MAMDC2: variants seen among roughly 807,000 people sequenced by gnomAD.
MAMDC2 encodes MAM domain-containing protein 2.
A neutral mutation model predicts 89.8 loss-of-function variants in MAMDC2; 57 were observed. The ratio of observed to expected loss-of-function variants is 0.63; its 90% CI spans 0.51 to 0.79. The LOEUF (loss-of-function observed/expected upper bound fraction) is 0.79. MAMDC2 is among the 30% of genes least tolerant of loss of function. MAMDC2 has a pLI of 0.00. For missense variants in MAMDC2, 800 were observed against 820.6 expected (o/e 0.97, Z 0.31); for synonymous variants, 313 against 293.4 (o/e 1.07, Z -0.68).
At chr9:70,217,987 C>T (rs2033480992) in intron 11 of MAMDC2, among the ~76,000 whole-genome samples, 1 of 152,192 alleles carries the variant, frequency 6.6e-6, no homozygotes, top group Non-Finnish European at 1.5e-5. Flanking sequence ...AACCCACCCT[C>T]TCTTTCTCTC....
chr9:70,061,216 T>G (rs1827143092), intron 2 of MAMDC2, among the ~76,000 whole-genome samples: 1 of 152,166 alleles, frequency 6.6e-6, no homozygotes, highest in Admixed American at 6.5e-5. Context: ...TTTGCACACT[T>G]TACCTTGGTT....
intron 2 of MAMDC2, among the ~76,000 whole-genome samples, chr9:70,056,437 C>T (rs546930450): frequency 5.9e-4 from 90 of 152,168 alleles, no homozygotes; most frequent in African/African-American, 2.1e-3. Flanking sequence ...TTTTCTTTTT[C>T]ATAAATTCTG....
chr9:70,113,278 GGT>G, intron 5 of MAMDC2, 146 bp downstream of exon 5: 1 of 870,870 alleles, frequency 1.1e-6, no homozygotes. Flanking sequence ...GGAACCAGGA[GGT>G]GTGACAGAAG....
intron 11 of MAMDC2, chr9:70,194,571 T>C (rs1247689081): frequency 6.6e-6 from 1 of 152,130 alleles, no homozygotes; most frequent in African/African-American, 2.4e-5. Flanking sequence ...AGAAATAAAT[T>C]TCTGTTCTTT....
chr9:70,175,657 C>G (rs545298039), intron 11 of MAMDC2: 1 of 152,132 alleles, frequency 6.6e-6, no homozygotes, highest in Non-Finnish European at 1.5e-5. Flanking sequence ...TAGAACATAT[C>G]CCTCAAGGAT....
chr9:70,156,819 G>A (rs2031780203), intron 9 of MAMDC2, among the ~76,000 whole-genome samples: 1 of 152,112 alleles, frequency 6.6e-6, no homozygotes, highest in South Asian at 2.1e-4. Context: ...AGATACTCTT[G>A]TTTTCCTTCT....
At chr9:70,117,444 G>A (rs1481838542) in intron 5 of MAMDC2, among the ~76,000 whole-genome samples, 1 of 152,086 alleles carries the variant, frequency 6.6e-6, no homozygotes, top group Admixed American at 6.5e-5. Context: ...CACAGGGAGG[G>A]AAACATCACA....
intron 5 of MAMDC2, among the ~76,000 whole-genome samples, chr9:70,118,135 G>C (rs928575783): frequency 3.9e-5 from 6 of 152,132 alleles, no homozygotes; most frequent in African/African-American, 1.4e-4. Context: ...CCCAAGGTAT[G>C]TGATCATGGC....
intron 2 of MAMDC2, among the ~76,000 whole-genome samples, chr9:70,098,468 C>G (rs535811510): frequency 5.3e-5 from 8 of 152,302 alleles, no homozygotes; most frequent in African/African-American, 1.9e-4. Context: ...AATTGTAAGA[C>G]ATGCCCTAAT....
intron 3 of MAMDC2, among the ~76,000 whole-genome samples, chr9:70,108,851 A>C (rs1355676617): frequency 6.6e-6 from 1 of 152,182 alleles, no homozygotes; most frequent in Non-Finnish European, 1.5e-5. Context: ...CTTCTTAATC[A>C]TTTCTTTGCT....
intron 5 of MAMDC2, among the ~76,000 whole-genome samples, chr9:70,125,648 T>G (rs1296157577): frequency 6.6e-6 from 1 of 152,214 alleles, no homozygotes; most frequent in African/African-American, 2.4e-5. Context: ...AATCTTAGTT[T>G]CACTCAAAAA....
intron 2 of MAMDC2, among the ~76,000 whole-genome samples, chr9:70,066,347 A>G (rs1056454701): frequency 3.3e-5 from 5 of 152,318 alleles, no homozygotes; most frequent in African/African-American, 1.2e-4. Flanking sequence ...AAGACAGAGT[A>G]GTAGAAAATG....
At chr9:70,059,295 C>T (rs72710458) in intron 2 of MAMDC2, among the ~76,000 whole-genome samples, 3 of 152,202 alleles carry the variant, frequency 2.0e-5, no homozygotes, top group Non-Finnish European at 4.4e-5. Flanking sequence ...TACGAGCATG[C>T]GTCTCTCATT....
At chr9:70,170,752 G>C in intron 11 of MAMDC2, 121 bp downstream of exon 11, 1 of 873,706 alleles carries the variant, frequency 1.1e-6, no homozygotes, top group South Asian at 2.1e-5. Context: ...AAATGCACTT[G>C]TGATTCTACA....
At chr9:70,211,460 A>G (rs955399647) in intron 11 of MAMDC2, among the ~76,000 whole-genome samples, 10 of 152,192 alleles carry the variant, frequency 6.6e-5, no homozygotes, top group Admixed American at 4.6e-4. Flanking sequence ...TTCTCTTGCC[A>G]TGGTTTTCAG....
At chr9:70,078,104 T>C (rs1421787385) in intron 2 of MAMDC2, among the ~76,000 whole-genome samples, 1 of 151,758 alleles carries the variant, frequency 6.6e-6, no homozygotes, top group Non-Finnish European at 1.5e-5. Flanking sequence ...AAAACTGCTA[T>C]AGTGCACAAT....
intron 2 of MAMDC2, among the ~76,000 whole-genome samples, chr9:70,076,597 T>C (rs927161191): frequency 3.3e-5 from 5 of 152,180 alleles, no homozygotes; most frequent in Admixed American, 2.6e-4. Context: ...TCCTTTTCAA[T>C]TGGAAAACAT....
At chr9:70,223,740 G>T in intron 12 of MAMDC2, among the ~76,000 whole-genome samples, 1 of 152,292 alleles carries the variant, frequency 6.6e-6, no homozygotes, top group Non-Finnish European at 1.5e-5. Flanking sequence ...TCCTACATTT[G>T]TTATGTCTAT....
intron 2 of MAMDC2, among the ~76,000 whole-genome samples, chr9:70,073,052 C>T (rs561235288): frequency 1.3e-5 from 2 of 152,280 alleles, no homozygotes; most frequent in Non-Finnish European, 2.9e-5. Flanking sequence ...CCAGGCTAGT[C>T]GCAAATTCCT....
Sources: allele counts gnomAD v4.1 joint callset (sites outside exome capture counted in the v4.1 genomes callset), GRCh38; gene constraint gnomAD v4.1.1; transcripts MANE v1.5; gene names NCBI Gene and HGNC (gene_info 2026-07-23, HGNC 2026-07-21).